The following LGSN variants were observed in gnomAD, a reference collection of about 807,000 sequenced individuals.
The protein encoded by LGSN is lengsin, lens protein with glutamine synthetase domain.
LGSN carries 21 observed loss-of-function variants against 19.5 expected under a neutral mutation model. The observed-to-expected ratio is 1.07, with a 90% CI of 0.76 to 1.55. The LOEUF is 1.55. LGSN is among the 40% of genes most tolerant of loss of function. The pLI is 0.00. For missense variants in LGSN, 673 were observed against 608.5 expected (o/e 1.11, Z -1.12); for synonymous variants, 257 against 215.6 (o/e 1.19, Z -1.68).
chr6:63,545,623 G>A, the LGSN span, among the ~76,000 whole-genome samples: 1 of 151,704 alleles, frequency 6.6e-6, no homozygotes, highest in Non-Finnish European at 1.5e-5. Flanking sequence ...AAAAAAAAAG[G>A]AAGAAAGAAA....
At chr6:63,470,933 C>CTTTTTTTTT in the LGSN span, among the ~76,000 whole-genome samples, 2 of 73,066 alleles carry the variant, frequency 2.7e-5, no homozygotes, top group Non-Finnish European at 5.2e-5. Flanking sequence ...TTCAGTCTTT[C>CTTTTTTTTT]TTTTTTTTTT....
the LGSN span, among the ~76,000 whole-genome samples, chr6:63,512,197 C>T: frequency 6.6e-6 from 1 of 152,120 alleles, no homozygotes; most frequent in Admixed American, 6.5e-5. Flanking sequence ...ATTCTCCTGC[C>T]TCAGCCTCCC....
chr6:63,505,561 AAAAAAAAGAAAG>A, the LGSN span, among the ~76,000 whole-genome samples: 8 of 70,620 alleles, frequency 1.1e-4, 1 homozygote, highest in Non-Finnish European at 1.5e-4. Context: ...GTCAAAAAAA[AAAAAAAAGAAAG>A]AAAGAAAGAA....
At chr6:63,443,739 C>G in the LGSN span, among the ~76,000 whole-genome samples, 1 of 152,164 alleles carries the variant, frequency 6.6e-6, no homozygotes, top group Admixed American at 6.5e-5. Context: ...AGGACTTCTT[C>G]ATTCCTTAGT....
the LGSN span, among the ~76,000 whole-genome samples, chr6:63,376,926 A>G: frequency 6.6e-6 from 1 of 152,208 alleles, no homozygotes; most frequent in African/African-American, 2.4e-5. Context: ...AACCCAGAAC[A>G]AAGCAGAACA....
chr6:63,527,567 T>C, the LGSN span, among the ~76,000 whole-genome samples: 3 of 152,230 alleles, frequency 2.0e-5, no homozygotes, highest in Non-Finnish European at 4.4e-5. Context: ...TTCACTTTTC[T>C]AGATCTGCAT....
At chr6:63,425,001 T>G in the LGSN span, among the ~76,000 whole-genome samples, 2 of 152,174 alleles carry the variant, frequency 1.3e-5, no homozygotes, top group African/African-American at 4.8e-5. Flanking sequence ...ATTCTACTGA[T>G]GGCTATAAGC....
chr6:63,530,744 T>C, the LGSN span, among the ~76,000 whole-genome samples: 92 of 152,328 alleles, frequency 6.0e-4, no homozygotes, highest in African/African-American at 2.2e-3. Flanking sequence ...TCTAGAGGCA[T>C]ACCTGAATTC....
the LGSN span, chr6:63,441,189 C>T: frequency 4.2e-6 from 1 of 237,620 alleles, no homozygotes; most frequent in Non-Finnish European, 8.5e-6. Context: ...GCCTGGGCAA[C>T]AAGAGTGAAA....
the LGSN span, among the ~76,000 whole-genome samples, chr6:63,515,015 T>C: frequency 6.6e-6 from 1 of 152,060 alleles, no homozygotes; most frequent in Non-Finnish European, 1.5e-5. Flanking sequence ...TGCTTGTTTG[T>C]TTTTTGAGAC....
the LGSN span, among the ~76,000 whole-genome samples, chr6:63,399,487 C>T: frequency 4.0e-5 from 6 of 149,770 alleles, no homozygotes; most frequent in East Asian, 2.0e-4. Context: ...CTCCGCCTCC[C>T]GGGTTCAAGC....
intron 2 of LGSN, among the ~76,000 whole-genome samples, chr6:63,287,105 A>G (rs564911702): frequency 2.0e-4 from 31 of 152,368 alleles, no homozygotes; most frequent in African/African-American, 7.5e-4. Flanking sequence ...AAAGATTGAC[A>G]GTTTAGAAAC....
the LGSN span, among the ~76,000 whole-genome samples, chr6:63,531,830 A>AC: frequency 2.0e-5 from 3 of 146,518 alleles, no homozygotes; most frequent in South Asian, 6.4e-4. Context: ...GGCCACATAC[A>AC]CTTTTTTTTT....
At chr6:63,313,823 G>A (rs1413175352) in intron 1 of LGSN, among the ~76,000 whole-genome samples, 3 of 151,882 alleles carry the variant, frequency 2.0e-5, no homozygotes, top group Admixed American at 1.3e-4. Flanking sequence ...GCAACAGAGT[G>A]AGACCCTGTC....
rs148516037 is a variant in LGSN at position 63,285,405 on chromosome 6, A to T, written c.330+182T>A. Among the ~76,000 whole-genome samples the T allele has an allele frequency of 1.1e-4, 16 of 152,334 alleles. No individual in the cohort carries two copies. In the East Asian group the frequency reaches 2.9e-3, roughly 28 times the overall value. On this transcript the variant is annotated intron_variant, in intron 3 of 3. Coordinates refer to ENST00000370657, the MANE Select transcript of LGSN (RefSeq NM_016571.3). ...ATTGCTGTTTGAGAGCTGAGAGTAC[A>T]TGTTTAGCTCCTTGGGGAGCAATAA...
the LGSN span, among the ~76,000 whole-genome samples, chr6:63,416,551 T>C: frequency 6.6e-6 from 1 of 152,186 alleles, no homozygotes; most frequent in Admixed American, 6.5e-5. Context: ...ACACAATTTA[T>C]AAAATACATA....
chr6:63,547,568 C>T, the LGSN span, among the ~76,000 whole-genome samples: 1 of 128,262 alleles, frequency 7.8e-6, no homozygotes, highest in Admixed American at 8.7e-5. Flanking sequence ...TGCAGTGGTA[C>T]GATCTTGGCT....
chr6:63,501,652 G>T, the LGSN span, among the ~76,000 whole-genome samples: 6 of 151,868 alleles, frequency 4.0e-5, no homozygotes, highest in African/African-American at 7.3e-5. Flanking sequence ...GCAGCTAAAA[G>T]CACTCCTAAC....
the LGSN span, among the ~76,000 whole-genome samples, chr6:63,388,744 A>G: frequency 3.3e-5 from 5 of 152,230 alleles, no homozygotes; most frequent in African/African-American, 1.2e-4. Flanking sequence ...AAAGCTAGAA[A>G]TAACGTAAAT....
Sources: gnomAD v4.1 joint callset for allele counts (sites outside exome capture counted in the v4.1 genomes callset) on GRCh38, gnomAD v4.1.1 for gene constraint, MANE v1.5 for transcripts, NCBI Gene and HGNC (gene_info 2026-07-23, HGNC 2026-07-21) for gene names.